KIF21A: variants seen among roughly 807,000 people sequenced by gnomAD.
KIF21A encodes kinesin-like protein KIF21A.
Under a neutral mutation model 202.9 loss-of-function variants are expected in KIF21A, and 114 were observed. That is an observed-to-expected ratio of 0.56 (90% confidence interval 0.48 to 0.66). KIF21A has a LOEUF of 0.66. Among genes scored for constraint, KIF21A ranks in the 30% least tolerant of loss-of-function variants. KIF21A has a pLI of 0.00. For missense variants in KIF21A, 1,677 were observed against 1,994.9 expected (o/e 0.84, Z 3.04); for synonymous variants, 667 against 670.8 (o/e 0.99, Z 0.09).
chr12:39,315,153 T>G (rs182285401), intron 31 of KIF21A, 76 bp downstream of exon 31: 2 of 1,380,064 alleles, frequency 1.4e-6, no homozygotes, highest in Admixed American at 3.4e-5. Context: ...TAAACACTTA[T>G]TTTTGTTCCA....
chr12:39,411,792 T>G (rs1317862361), intron 1 of KIF21A, among the ~76,000 whole-genome samples: 1 of 152,166 alleles, frequency 6.6e-6, no homozygotes, highest in Non-Finnish European at 1.5e-5. Flanking sequence ...CCTCTTCGGC[T>G]TCTCGAAGTG....
chr12:39,373,932 C>T (rs937668415), intron 1 of KIF21A, among the ~76,000 whole-genome samples: 1 of 152,106 alleles, frequency 6.6e-6, no homozygotes, highest in Admixed American at 6.6e-5. Flanking sequence ...TGGGTGAAAA[C>T]TTTTCCACTG....
intron 1 of KIF21A, among the ~76,000 whole-genome samples, chr12:39,391,252 T>A (rs1319890940): frequency 6.6e-6 from 1 of 152,202 alleles, no homozygotes; most frequent in Non-Finnish European, 1.5e-5. Flanking sequence ...CATTTGGTTC[T>A]TAAGTTTTAG....
intron 1 of KIF21A, among the ~76,000 whole-genome samples, chr12:39,380,124 T>C (rs1267744593): frequency 6.6e-6 from 1 of 152,128 alleles, no homozygotes; most frequent in Admixed American, 6.5e-5. Context: ...CACGCTGCCA[T>C]GCCCGGCTAA....
chr12:39,309,302 A>G (rs1258823304), intron 33 of KIF21A, among the ~76,000 whole-genome samples: 1 of 152,172 alleles, frequency 6.6e-6, no homozygotes, highest in African/African-American at 2.4e-5. Flanking sequence ...TGAAAATGTA[A>G]TACCTTATAT....
At chr12:39,378,302 G>C (rs149451424) in intron 1 of KIF21A, among the ~76,000 whole-genome samples, 1 of 152,118 alleles carries the variant, frequency 6.6e-6, no homozygotes, top group Non-Finnish European at 1.5e-5. Context: ...ATTCACAAGG[G>C]GGTAACATTG....
intron 1 of KIF21A, among the ~76,000 whole-genome samples, chr12:39,419,680 G>A (rs1193250577): frequency 6.6e-6 from 1 of 152,074 alleles, no homozygotes; most frequent in Non-Finnish European, 1.5e-5. Flanking sequence ...TTCATCTTCA[G>A]GCTATATAAG....
chr12:39,300,102 A>G (rs901373023), intron 37 of KIF21A, among the ~76,000 whole-genome samples: 2 of 152,158 alleles, frequency 1.3e-5, no homozygotes, highest in Non-Finnish European at 2.9e-5. Context: ...CTGAACCTAA[A>G]ATAAAAGTAA....
intron 37 of KIF21A, among the ~76,000 whole-genome samples, chr12:39,294,920 T>C (rs1359414290): frequency 6.6e-6 from 1 of 152,192 alleles, no homozygotes; most frequent in East Asian, 1.9e-4. Context: ...CTGCAGTCAT[T>C]ATTCTAAAAG....
intron 11 of KIF21A, among the ~76,000 whole-genome samples, chr12:39,350,837 A>G (rs1296337401): frequency 1.3e-5 from 2 of 152,060 alleles, no homozygotes; most frequent in African/African-American, 4.8e-5. Flanking sequence ...TGCTCCAGGA[A>G]GAAATGCCTG....
At chr12:39,354,645 A>G (rs17557852) in intron 10 of KIF21A, among the ~76,000 whole-genome samples, 17,189 of 152,226 alleles carry the variant, frequency 0.11, 1,240 homozygotes, top group Non-Finnish European at 0.17. Context: ...AAATGGCAAT[A>G]AACAAACATA....
intron 1 of KIF21A, among the ~76,000 whole-genome samples, chr12:39,407,141 C>T (rs569100995): frequency 6.6e-6 from 1 of 152,172 alleles, no homozygotes; most frequent in African/African-American, 2.4e-5. Context: ...CGATTCTTCC[C>T]TTCCCAGTAG....
At chr12:39,314,049 A>G (rs1592085268) in intron 31 of KIF21A, among the ~76,000 whole-genome samples, 3 of 151,948 alleles carry the variant, frequency 2.0e-5, no homozygotes, top group East Asian at 3.9e-4. Context: ...AAAGATATAT[A>G]AAATTAATTC....
intron 37 of KIF21A, among the ~76,000 whole-genome samples, chr12:39,294,938 G>T (rs1942148531): frequency 1.3e-5 from 2 of 152,192 alleles, no homozygotes; most frequent in Non-Finnish European, 1.5e-5. Context: ...AAGACAGTAT[G>T]TGATTTGACA....
At chr12:39,361,502 T>C (rs1441574286) in intron 7 of KIF21A, among the ~76,000 whole-genome samples, 1 of 150,210 alleles carries the variant, frequency 6.7e-6, no homozygotes, top group Admixed American at 6.6e-5. Context: ...TGTTGTATTC[T>C]ACAAAACAGA....
chr12:39,403,058 T>A (rs1021943248), intron 1 of KIF21A, among the ~76,000 whole-genome samples: 1 of 152,052 alleles, frequency 6.6e-6, no homozygotes, highest in African/African-American at 2.4e-5. Context: ...CATCCCCACT[T>A]AAAAGTCAAG....
In KIF21A at chr12:39,340,350, A is replaced by G. The variant is rs560037174; in HGVS notation, c.2125T>C (p.Tyr709His). The stretch of plus-strand genomic sequence containing the variant: ...ACTTTTTTTGCTTTTTCTTCTGAGT[A>G]AGATTCTACCGAGCCTAAATGACCA... ...VLQNLGSVESYSEEKAKKVRS... is the reference protein window; with the variant it reads ...VLQNLGSVESHSEEKAKKVRS... Residue 709 changes from tyrosine to histidine, a missense_variant, in exon 16 of 38, where the codon TAC (tyrosine) becomes CAC (histidine). By Grantham distance (83) the Tyr-to-His change is moderately conservative (BLOSUM62 2). Coordinates refer to ENST00000361418, the MANE Select transcript of KIF21A (RefSeq NM_001173464.2). The G allele has an allele frequency of 1.2e-5, 20 of 1,606,878 alleles. No homozygotes were observed. The South Asian group carries it at 1.3e-4, about 11-fold the overall frequency.
At chr12:39,404,235 G>T (rs1358391375) in intron 1 of KIF21A, among the ~76,000 whole-genome samples, 2 of 152,088 alleles carry the variant, frequency 1.3e-5, no homozygotes, top group Non-Finnish European at 2.9e-5. Context: ...AGTAGCTGAG[G>T]TAAGAGGCAT....
intron 10 of KIF21A, among the ~76,000 whole-genome samples, chr12:39,353,160 T>C (rs1358212647): frequency 6.6e-6 from 1 of 152,074 alleles, no homozygotes; most frequent in African/African-American, 2.4e-5. Context: ...GCTCAGTGCT[T>C]TTCCATTGCC....
Sources: allele counts gnomAD v4.1 joint callset (sites outside exome capture counted in the v4.1 genomes callset), GRCh38; gene constraint gnomAD v4.1.1; transcripts MANE v1.5; gene names NCBI Gene and HGNC (gene_info 2026-07-23, HGNC 2026-07-21).